RP1: variants seen among roughly 807,000 people sequenced by gnomAD.
The protein encoded by RP1 is oxygen-regulated protein 1.
A neutral mutation model predicts 14.8 loss-of-function variants in RP1; 16 were observed. The observed-to-expected ratio is 1.08, with a 90% CI of 0.73 to 1.65. RP1 has a LOEUF of 1.65. Among genes scored for constraint, RP1 ranks in the 40% most tolerant of loss-of-function variants. RP1 has a pLI of 0.00. For missense variants in RP1, 2,631 were observed against 2,535.0 expected, an observed-to-expected ratio of 1.04 and a Z score of -0.81; for synonymous variants, 876 against 883.6, an observed-to-expected ratio of 0.99 and a Z score of 0.15.
At chr8:54,772,341 A>G (rs1053622264), downstream of RP1, among the ~76,000 whole-genome samples, 2 of 151,896 alleles carry the variant, frequency 1.3e-5, no homozygotes, top group Non-Finnish European at 2.9e-5. Context: ...ACTAACTCCA[A>G]TAAATTTATA....
chr8:54,744,614 C>G (rs563123374), intron 19 of RP1, among the ~76,000 whole-genome samples: 1 of 152,240 alleles, frequency 6.6e-6, no homozygotes, highest in Admixed American at 6.5e-5. Context: ...TCTCTTGCAG[C>G]CCTATTCAAG....
intron 23 of RP1, among the ~76,000 whole-genome samples, chr8:54,776,199 G>C (rs1340078236): frequency 3.3e-5 from 5 of 152,104 alleles, no homozygotes; most frequent in Non-Finnish European, 1.5e-5. Context: ...TGTTGTTTTT[G>C]TTTGGTTAGT....
chr8:54,835,455 G>A (rs1044681965), intron 24 of RP1, among the ~76,000 whole-genome samples: 2 of 151,878 alleles, frequency 1.3e-5, no homozygotes, highest in African/African-American at 4.8e-5. Flanking sequence ...TTAGACACAG[G>A]GTTTATCAAT....
At chr8:54,744,778 C>G (rs945810106) in intron 19 of RP1, among the ~76,000 whole-genome samples, 1 of 152,184 alleles carries the variant, frequency 6.6e-6, no homozygotes, top group Non-Finnish European at 1.5e-5. Flanking sequence ...TGCTCTGTGG[C>G]AAAATTCAGT....
At position 54,619,652 on chromosome 8, in the gene RP1, C is replaced by G. The variant is rs1805807311; in HGVS notation, c.-12-1303C>G. 3.3e-5 allele frequency among the ~76,000 whole-genome samples: 5 copies of G among 152,210 alleles called. No homozygotes were observed. The South Asian group carries it at 1.0e-3, about 32-fold the overall frequency. On this transcript the variant is annotated intron_variant, in intron 1 of 3. Transcript: ENST00000220676. ...CTTGAATTCTCTCCTGAAGGTTTAA[C>G]TTTAGAACTACTAGTGGGACCAGTA...
intron 1 of RP1, chr8:54,562,054 G>A (rs1453725232): frequency 6.6e-6 from 1 of 152,132 alleles, no homozygotes; most frequent in Admixed American, 6.5e-5. Flanking sequence ...TCAAATGAAT[G>A]GATGGTCCTC....
intron 19 of RP1, among the ~76,000 whole-genome samples, chr8:54,744,886 G>A (rs968201795): frequency 6.6e-6 from 1 of 152,156 alleles, no homozygotes; most frequent in Non-Finnish European, 1.5e-5. Flanking sequence ...TTTTAGGACA[G>A]GTTAGGGCCA....
chr8:54,779,108 G>GAAAC (rs1810118208), intron 23 of RP1, among the ~76,000 whole-genome samples: 1 of 152,110 alleles, frequency 6.6e-6, no homozygotes. Context: ...CGCCAAGTAA[G>GAAAC]AAACAAACAA....
At chr8:54,574,347 C>T (rs149030983) in intron 1 of RP1, among the ~76,000 whole-genome samples, 63 of 152,198 alleles carry the variant, frequency 4.1e-4, no homozygotes, top group African/African-American at 1.3e-3. Context: ...GCCCATTCCA[C>T]GCATGGCTAT....
chr8:54,802,046 A>G (rs1051325843), intron 24 of RP1, among the ~76,000 whole-genome samples: 1 of 152,178 alleles, frequency 6.6e-6, no homozygotes, highest in Non-Finnish European at 1.5e-5. Flanking sequence ...TGTAGTCACT[A>G]AAGAGCTGCA....
intron 14 of RP1, among the ~76,000 whole-genome samples, chr8:54,705,967 A>G (rs1808141408): frequency 6.6e-6 from 1 of 152,034 alleles, no homozygotes; most frequent in Non-Finnish European, 1.5e-5. Context: ...AGTCTTTTAT[A>G]TCTTCCTCTT....
At chr8:54,623,243 T>G (rs1805930363) in intron 3 of RP1, among the ~76,000 whole-genome samples, 1 of 152,180 alleles carries the variant, frequency 6.6e-6, no homozygotes. Context: ...CTAAAATGAT[T>G]TTATTATCTT....
At chr8:54,684,130 G>A (rs556562070) in intron 12 of RP1, among the ~76,000 whole-genome samples, 27 of 151,028 alleles carry the variant, frequency 1.8e-4, no homozygotes, top group African/African-American at 6.6e-4. Context: ...ATTTTTGTAT[G>A]TTGAATCAAC....
chr8:54,720,071 T>C (rs952463268), intron 15 of RP1: 2 of 1,315,706 alleles, frequency 1.5e-6, no homozygotes, highest in Non-Finnish European at 2.0e-6. Context: ...CGACTGGTTT[T>C]AAATTCTGTC....
chr8:54,701,732 G>C, intron 14 of RP1: 1 of 1,381,522 alleles, frequency 7.2e-7, no homozygotes, highest in Non-Finnish European at 9.8e-7. Context: ...TTGAGCAAAA[G>C]TCTTAAATTG....
intron 1 of RP1, among the ~76,000 whole-genome samples, chr8:54,595,400 A>AT (rs1246733956): frequency 6.6e-6 from 1 of 152,180 alleles, no homozygotes; most frequent in Non-Finnish European, 1.5e-5. Flanking sequence ...AAGTGCTGGG[A>AT]TTACGGGTGT....
At chr8:54,639,957 C>T (rs985047566) in intron 3 of RP1, among the ~76,000 whole-genome samples, 1 of 152,022 alleles carries the variant, frequency 6.6e-6, no homozygotes, top group African/African-American at 2.4e-5. Context: ...TTGGTAAGCC[C>T]AGTTTGTTAA....
chr8:54,586,088 T>G (rs1261332025), intron 1 of RP1, among the ~76,000 whole-genome samples: 1 of 152,190 alleles, frequency 6.6e-6, no homozygotes, highest in Non-Finnish European at 1.5e-5. Context: ...TTTTAGAGTT[T>G]CCAGTTTTTC....
At chr8:54,675,088 T>C (rs1386841751) in intron 8 of RP1, among the ~76,000 whole-genome samples, 1 of 152,132 alleles carries the variant, frequency 6.6e-6, no homozygotes, top group Non-Finnish European at 1.5e-5. Context: ...ATTTTCAACC[T>C]AAAAAATCCC....
Sources: gnomAD v4.1 joint callset for allele counts (sites outside exome capture counted in the v4.1 genomes callset) on GRCh38, gnomAD v4.1.1 for gene constraint, MANE v1.5 for transcripts, NCBI Gene and HGNC (gene_info 2026-07-23, HGNC 2026-07-21) for gene names.